ROR1: variants seen among roughly 807,000 people sequenced by gnomAD.
The protein encoded by ROR1 is ROR family WNT receptor 1, also known as inactive tyrosine-protein kinase transmembrane receptor ROR1.
In ROR1, 19 loss-of-function variants were observed where a neutral mutation model predicts 78.8. The ratio of observed to expected loss-of-function variants is 0.24; its 90% CI spans 0.17 to 0.35. The LOEUF (loss-of-function observed/expected upper bound fraction) is 0.35, where lower values mean the gene tolerates loss of function less well. Among genes scored for constraint, ROR1 ranks in the 10% least tolerant of loss-of-function variants. The probability of loss-of-function intolerance (pLI) is 1.00; values close to 1 mark genes in which losing one functional copy is unlikely to be tolerated. For synonymous variants in ROR1, 386 were observed against 433.6 expected (o/e 0.89, Z 1.36); for missense variants, 917 against 1,177.8 (o/e 0.78, Z 3.24).
At chr1:64,116,509 T>G (rs948132822) in intron 4 of ROR1, among the ~76,000 whole-genome samples, 3 of 152,146 alleles carry the variant, frequency 2.0e-5, no homozygotes, top group South Asian at 4.1e-4. Flanking sequence ...GAAAGGAATA[T>G]GTTGTTCTGA....
At chr1:63,831,626 T>C (rs960097163) in intron 1 of ROR1, among the ~76,000 whole-genome samples, 4 of 152,236 alleles carry the variant, frequency 2.6e-5, no homozygotes, top group Admixed American at 6.5e-5. Context: ...TTTTCCCTTC[T>C]AGGCCTCTGG....
At chr1:63,870,027 A>G (rs956868357) in intron 1 of ROR1, among the ~76,000 whole-genome samples, 2 of 152,250 alleles carry the variant, frequency 1.3e-5, no homozygotes, top group Non-Finnish European at 2.9e-5. Flanking sequence ...ATATTACAAC[A>G]GAAACTGAAC....
intron 1 of ROR1, among the ~76,000 whole-genome samples, chr1:63,971,906 G>T (rs974575513): frequency 2.0e-5 from 3 of 152,104 alleles, no homozygotes; most frequent in Non-Finnish European, 2.9e-5. Flanking sequence ...GTGTTATCAG[G>T]TTCTCAGACC....
chr1:63,918,488 C>A (rs17125806), intron 1 of ROR1, among the ~76,000 whole-genome samples: 1,857 of 152,202 alleles, frequency 0.012, 40 homozygotes, highest in Non-Finnish European at 0.014. Context: ...TTCTTAAGAA[C>A]GGGGCGTGGT....
At chr1:64,109,135 G>A (rs1647969580) in intron 4 of ROR1, among the ~76,000 whole-genome samples, 1 of 152,042 alleles carries the variant, frequency 6.6e-6, no homozygotes, top group African/African-American at 2.4e-5. Flanking sequence ...CATCCTCTAG[G>A]TGTGTCTTAC....
At chr1:63,998,636 A>G (rs916013814) in intron 1 of ROR1, among the ~76,000 whole-genome samples, 1 of 152,180 alleles carries the variant, frequency 6.6e-6, no homozygotes, top group Non-Finnish European at 1.5e-5. Context: ...AACTAGAAAG[A>G]CAAAAGGAAC....
intron 8 of ROR1, among the ~76,000 whole-genome samples, chr1:64,175,897 G>A (rs565831277): frequency 5.3e-5 from 8 of 152,274 alleles, no homozygotes; most frequent in African/African-American, 1.7e-4. Context: ...GATTTCATAT[G>A]TATTTCAACA....
At chr1:64,135,354 A>G (rs924619424) in intron 4 of ROR1, among the ~76,000 whole-genome samples, 8 of 152,214 alleles carry the variant, frequency 5.3e-5, no homozygotes, top group Admixed American at 2.0e-4. Context: ...GGGGATTTAT[A>G]TCTGGGGGTA....
In ROR1 at chr1:63,945,781, AT is replaced by A. The variant is rs144293241; in HGVS notation, c.92-63522del. Among the ~76,000 whole-genome samples the A allele has an allele frequency of 2.2e-3, 335 of 152,356 alleles. 3 individuals carry two copies. Among genetic ancestry groups the A allele is most frequent in the African/African-American group, 7.8e-3 (323 of 41,582 alleles). On this transcript the variant is annotated intron_variant, in intron 1 of 8. Transcript: ENST00000371079. ...TCCTCACATGAGATTTGTTAAACAA[AT>A]TCAAGACATATTGTCAATTGAATTA...
intron 1 of ROR1, among the ~76,000 whole-genome samples, chr1:63,865,020 A>G (rs1441180548): frequency 1.3e-5 from 2 of 152,154 alleles, no homozygotes; most frequent in Non-Finnish European, 2.9e-5. Flanking sequence ...ACCCCTGTAA[A>G]GAATGTTTCA....
At chr1:63,904,572 T>C (rs1645513792) in intron 1 of ROR1, among the ~76,000 whole-genome samples, 1 of 152,192 alleles carries the variant, frequency 6.6e-6, no homozygotes, top group South Asian at 2.1e-4. Flanking sequence ...CCTTCCTCCT[T>C]CTCTTTAAAT....
chr1:63,852,207 C>A (rs1399720355), intron 1 of ROR1, among the ~76,000 whole-genome samples: 4 of 152,214 alleles, frequency 2.6e-5, no homozygotes, highest in Admixed American at 1.3e-4. Context: ...AAGAAACTTG[C>A]CCCATATGCA....
chr1:63,844,491 C>T (rs556356769), intron 1 of ROR1, among the ~76,000 whole-genome samples: 8 of 152,146 alleles, frequency 5.3e-5, no homozygotes, highest in Admixed American at 1.3e-4. Context: ...TTTTATTTAT[C>T]TTTGTGTTGC....
chr1:63,950,178 C>T (rs980053563), intron 1 of ROR1, among the ~76,000 whole-genome samples: 7 of 152,036 alleles, frequency 4.6e-5, no homozygotes, highest in South Asian at 2.1e-4. Flanking sequence ...AGACAGAATT[C>T]GAGGCAAGTC....
intron 4 of ROR1, among the ~76,000 whole-genome samples, chr1:64,112,795 C>G (rs1335910011): frequency 6.8e-6 from 1 of 147,968 alleles, no homozygotes; most frequent in Non-Finnish European, 1.5e-5. Context: ...CTTATAGGTT[C>G]AACTGGCAGT....
intron 4 of ROR1, among the ~76,000 whole-genome samples, chr1:64,093,737 C>G (rs988552264): frequency 8.5e-5 from 13 of 152,126 alleles, no homozygotes; most frequent in Non-Finnish European, 1.3e-4. Flanking sequence ...GACCCCACAG[C>G]TAGAGATCTC....
At chr1:63,918,971 C>T (rs1024174728) in intron 1 of ROR1, among the ~76,000 whole-genome samples, 1 of 151,262 alleles carries the variant, frequency 6.6e-6, no homozygotes, top group Non-Finnish European at 1.5e-5. Context: ...ACCAGTTAGC[C>T]TTGAAAGTTC....
intron 1 of ROR1, among the ~76,000 whole-genome samples, chr1:63,783,170 G>A (rs563639380): frequency 2.0e-5 from 3 of 152,266 alleles, no homozygotes; most frequent in South Asian, 2.1e-4. Flanking sequence ...GAAAGACAGC[G>A]TTGAATGAAG....
chr1:64,035,049 G>A (rs1646691120), intron 2 of ROR1, among the ~76,000 whole-genome samples: 1 of 152,176 alleles, frequency 6.6e-6, no homozygotes. Context: ...TGGGAGTTCA[G>A]TGGCAATATT....
Sources: gnomAD v4.1 joint callset for allele counts (sites outside exome capture counted in the v4.1 genomes callset) on GRCh38, gnomAD v4.1.1 for gene constraint, MANE v1.5 for transcripts, NCBI Gene and HGNC (gene_info 2026-07-23, HGNC 2026-07-21) for gene names.